TRIM34: variants seen among roughly 807,000 people sequenced by gnomAD.
TRIM34 encodes tripartite motif containing 34, also known as E3 ubiquitin-protein ligase TRIM34.
A neutral mutation model predicts 38.1 loss-of-function variants in TRIM34; 41 were observed. The ratio of observed to expected loss-of-function variants is 1.08; its 90% CI spans 0.84 to 1.40. The LOEUF (loss-of-function observed/expected upper bound fraction) is 1.40, where lower values mean the gene tolerates loss of function less well. TRIM34 is among the 40% of genes most tolerant of loss of function. The pLI is 0.00. For missense variants in TRIM34, 556 were observed against 571.4 expected, an observed-to-expected ratio of 0.97 and a Z score of 0.27; for synonymous variants, 200 against 202.5, an observed-to-expected ratio of 0.99 and a Z score of 0.10.
chr11:5,622,550 G>A (rs150471304), upstream of TRIM34, among the ~76,000 whole-genome samples: 882 of 152,226 alleles, frequency 5.8e-3, 7 homozygotes, highest in South Asian at 0.035. Context: ...CCTGGGAGGC[G>A]GAGGTTGCGG....
At chr11:5,629,691 C>G (rs1169977173) in intron 1 of TRIM34, among the ~76,000 whole-genome samples, 1 of 152,160 alleles carries the variant, frequency 6.6e-6, no homozygotes, top group Non-Finnish European at 1.5e-5. Flanking sequence ...CAGGTGAGCT[C>G]TCCGTGAGGA....
upstream of TRIM34, among the ~76,000 whole-genome samples, chr11:5,623,105 C>CTTTTTTTT (rs11301714): frequency 5.6e-5 from 6 of 106,830 alleles, no homozygotes; most frequent in East Asian, 2.9e-4. Flanking sequence ...CTGTCTGGAG[C>CTTTTTTTT]TTTTTTTTTT....
At chr11:5,637,609 A>G (rs745579921) in intron 4 of TRIM34, among the ~76,000 whole-genome samples, 1 of 152,178 alleles carries the variant, frequency 6.6e-6, no homozygotes, top group Non-Finnish European at 1.5e-5. Context: ...TTAAAATTTT[A>G]GATTCAGGGG....
chr11:5,624,114 T>C (rs974566149), upstream of TRIM34, among the ~76,000 whole-genome samples: 8 of 152,178 alleles, frequency 5.3e-5, no homozygotes, highest in Non-Finnish European at 1.2e-4. Context: ...GATTTCAAGG[T>C]TACCTCAGTT....
chr11:5,640,975 G>C (rs1849982033), intron 4 of TRIM34, among the ~76,000 whole-genome samples, 192 bp from the exon 5 acceptor site: 1 of 151,862 alleles, frequency 6.6e-6, no homozygotes, highest in African/African-American at 2.4e-5. Context: ...CTTAAGGTCA[G>C]TAGTAATATC....
At chr11:5,627,461 G>A (rs1468156940) in intron 1 of TRIM34, among the ~76,000 whole-genome samples, 5 of 152,296 alleles carry the variant, frequency 3.3e-5, no homozygotes, top group Non-Finnish European at 7.4e-5. Context: ...TTCTACCAGA[G>A]TGGTGGCAGT....
At chr11:5,622,370 G>A (rs12225967), upstream of TRIM34, among the ~76,000 whole-genome samples, 7,859 of 151,864 alleles carry the variant, frequency 0.052, 280 homozygotes, top group East Asian at 0.17. Flanking sequence ...GCGTGAACCC[G>A]GCAGGCGGAG....
At chr11:5,640,677 T>A (rs1366248481) in intron 4 of TRIM34, among the ~76,000 whole-genome samples, 1 of 152,190 alleles carries the variant, frequency 6.6e-6, no homozygotes, top group Non-Finnish European at 1.5e-5. Context: ...AATTAGGAAG[T>A]GTTCCCTGCT....
At chr11:5,620,327 G>A (rs998960010), upstream of TRIM34, among the ~76,000 whole-genome samples, 1 of 151,586 alleles carries the variant, frequency 6.6e-6, no homozygotes, top group Admixed American at 6.6e-5. Flanking sequence ...ACAGGCGCGC[G>A]CCACTGCACC....
intron 3 of TRIM34, 27 bp downstream of exon 3, chr11:5,633,926 G>C: frequency 6.2e-7 from 1 of 1,611,282 alleles, no homozygotes; most frequent in Non-Finnish European, 8.5e-7. Context: ...AAGGTTTTCT[G>C]AGACAGGAAT....
chr11:5,628,386 C>T (rs994008641), intron 1 of TRIM34, among the ~76,000 whole-genome samples: 1 of 152,244 alleles, frequency 6.6e-6, no homozygotes, highest in Non-Finnish European at 1.5e-5. Flanking sequence ...AACTCCTTGT[C>T]TTACTAGTCA....
At position 5,633,758 on chromosome 11, in the gene TRIM34, C is replaced by T. The variant is rs370364318; in HGVS notation, c.424-46C>T. 25 of 1,575,334 alleles carry T rather than the reference C, an allele frequency of 1.6e-5. No individual in the cohort carries two copies. In the African/African-American group the frequency reaches 3.2e-4, roughly 20 times the overall value. On this transcript the variant is annotated intron_variant, in intron 2 of 7. Transcript: ENST00000429814. ...TCCCTGTTTGTCCTCTATCCAGATA[C>T]TAAGAAAGCTTATAGCTTGACTGTA...
In TRIM34 at chr11:5,632,291, C is replaced by T. The variant is rs749334105; in HGVS notation, c.-41C>T. ...TCTTTAACCAGAAGAGAGAGGAGAGCCTCAGGAGTTAGGACCAGAAGAAGC... is the reference window on the plus strand; with the variant it reads ...TCTTTAACCAGAAGAGAGAGGAGAGTCTCAGGAGTTAGGACCAGAAGAAGC... On this transcript the variant is annotated 5_prime_UTR_variant, in exon 2 of 8. Coordinates refer to ENST00000429814, the MANE Select transcript of TRIM34 (RefSeq NM_021616.6). 4 of 1,613,144 alleles carry T rather than the reference C, an allele frequency of 2.5e-6. No individual in the cohort carries two copies. The highest frequency in any genetic ancestry group is 2.2e-5 in the South Asian group (2 of 90,950).
Position 5,643,296 on chromosome 11 carries a change from G to A in TRIM34, c.1054G>A (p.Glu352Lys), listed in dbSNP as rs774312326. 1.9e-6 allele frequency: 3 copies of A among 1,614,060 alleles called. No individual in the cohort carries two copies. The highest frequency in any genetic ancestry group is 1.1e-5 in the South Asian group (1 of 91,086). The change falls in exon 8 of 8, where the codon GAA becomes AAA. Residue 352 changes from glutamate to lysine, a missense_variant. By Grantham distance (56) the Glu-to-Lys change is moderately conservative. Transcript: ENST00000429814. ...QYFSSGKHYW[E>K]VDVSKKTAWI... Reference sequence around the variant, plus strand: ...TTTCTCCTCTGGGAAACATTACTGGGAAGTGGACGTGTCCAAGAAAACTGC... The same window carrying A: ...TTTCTCCTCTGGGAAACATTACTGGAAAGTGGACGTGTCCAAGAAAACTGC...
chr11:5,632,819 AT>A, intron 2 of TRIM34, 65 bp downstream of exon 2: 1 of 1,280,562 alleles, frequency 7.8e-7, no homozygotes, highest in Non-Finnish European at 1.0e-6. Context: ...TCACCTTTTC[AT>A]CCTTTTTTTT....
At chr11:5,640,434 A>T (rs1487573921) in intron 4 of TRIM34, among the ~76,000 whole-genome samples, 6 of 152,028 alleles carry the variant, frequency 3.9e-5, no homozygotes, top group Non-Finnish European at 8.8e-5. Context: ...GGTATATTAC[A>T]TCAATTGATT....
At chr11:5,636,772 A>G (rs560992230) in intron 4 of TRIM34, among the ~76,000 whole-genome samples, 1 of 152,368 alleles carries the variant, frequency 6.6e-6, no homozygotes, top group South Asian at 2.1e-4. Context: ...TGTTAGCTTC[A>G]AAGAATGGCA....
intron 1 of TRIM34, 117 bp from the exon 2 acceptor site, chr11:5,632,137 CT>C: frequency 7.0e-7 from 1 of 1,433,338 alleles, no homozygotes; most frequent in South Asian, 1.5e-5. Flanking sequence ...TTTTTGGTTT[CT>C]CTTCCTCATC....
intron 4 of TRIM34, among the ~76,000 whole-genome samples, chr11:5,640,296 A>G (rs1849951069): frequency 6.6e-6 from 1 of 152,102 alleles, no homozygotes; most frequent in Non-Finnish European, 1.5e-5. Context: ...CCTCTCTTCT[A>G]TTCCAAGTTT....
Sources: allele counts gnomAD v4.1 joint callset (sites outside exome capture counted in the v4.1 genomes callset), GRCh38; gene constraint gnomAD v4.1.1; transcripts MANE v1.5; gene names NCBI Gene and HGNC (gene_info 2026-07-23, HGNC 2026-07-21).